MAPK10: variants seen among roughly 807,000 people sequenced by gnomAD.
MAPK10 encodes the protein JNK3 alpha protein kinase.
A neutral mutation model predicts 59.3 loss-of-function variants in MAPK10; 25 were observed. That is an observed-to-expected ratio of 0.42 (90% CI 0.31 to 0.59). The LOEUF (loss-of-function observed/expected upper bound fraction) is 0.59, where lower values mean the gene tolerates loss of function less well. Among genes scored for constraint, MAPK10 ranks in the 20% least tolerant of loss-of-function variants. The probability of loss-of-function intolerance (pLI) is 0.15; values close to 1 mark genes in which losing one functional copy is unlikely to be tolerated. For synonymous variants in MAPK10, 190 were observed against 200.5 expected, an observed-to-expected ratio of 0.95 and a Z score of 0.44; for missense variants, 351 against 568.9, an observed-to-expected ratio of 0.62 and a Z score of 3.90.
intron 2 of MAPK10, among the ~76,000 whole-genome samples, chr4:86,236,281 A>G (rs1455012156): frequency 6.6e-6 from 1 of 152,214 alleles, no homozygotes; most frequent in African/African-American, 2.4e-5. Context: ...ATCACATAAT[A>G]TAACATATTC....
intron 2 of MAPK10, among the ~76,000 whole-genome samples, chr4:86,347,686 GCTTTCTGGGT>G (rs1728985430): frequency 6.6e-6 from 1 of 152,076 alleles, no homozygotes; most frequent in African/African-American, 2.4e-5. Context: ...TTGAGGTTTC[GCTTTCTGGGT>G]CATAGACAGT....
At chr4:86,495,470 C>T (rs1023530820) in intron 1 of MAPK10, among the ~76,000 whole-genome samples, 11 of 152,160 alleles carry the variant, frequency 7.2e-5, no homozygotes, top group Non-Finnish European at 1.5e-4. Flanking sequence ...GGATGAATCT[C>T]TAAAATGCAA....
chr4:86,477,670 TCCC>T (rs1269145996), intron 1 of MAPK10, among the ~76,000 whole-genome samples: 1 of 152,054 alleles, frequency 6.6e-6, no homozygotes, highest in African/African-American at 2.4e-5. Context: ...TCCTTACAGT[TCCC>T]CCATTTTACC....
chr4:86,516,298 T>C (rs1756655748), intron 1 of MAPK10, among the ~76,000 whole-genome samples: 1 of 152,228 alleles, frequency 6.6e-6, no homozygotes, highest in Non-Finnish European at 1.5e-5. Flanking sequence ...TGTAGCATAG[T>C]TTGAAGTCGG....
At position 86,359,657 on chromosome 4, in the gene MAPK10, C is replaced by A; in HGVS notation, c.-122+1G>T. On this transcript the variant is annotated splice_donor_variant, in intron 1 of 13. Coordinates refer to ENST00000641462, the MANE Select transcript of MAPK10 (RefSeq NM_138982.4). LOFTEE classifies it low-confidence loss of function (5UTR_SPLICE). ...CCCAGAACGAGCAAAGAGCCACCTA[C>A]CATTCCGTGCCTGAGAACTACGATC... 1.0e-6 allele frequency: 1 copy of A among 985,682 alleles called. No homozygotes were observed. Among genetic ancestry groups the A allele is most frequent in the Non-Finnish European group, 1.2e-6 (1 of 829,762 alleles). 61.1% of individuals were successfully genotyped at this position (985,682 alleles called of 1,614,324 possible). A position where few individuals can be genotyped will look rare whatever the true frequency, so the allele number is the denominator to read the frequency against.
chr4:86,422,035 TA>T (rs1195746378), intron 1 of MAPK10, among the ~76,000 whole-genome samples: 1 of 152,194 alleles, frequency 6.6e-6, no homozygotes, highest in African/African-American at 2.4e-5. Flanking sequence ...CATTTCTGCC[TA>T]AAGTGGCCCT....
At chr4:86,444,596 G>A (rs948186911) in intron 1 of MAPK10, among the ~76,000 whole-genome samples, 6 of 151,928 alleles carry the variant, frequency 3.9e-5, no homozygotes, top group Non-Finnish European at 8.8e-5. Context: ...AAGAGCTTCT[G>A]CACAGCAAAA....
chr4:86,307,236 C>A (rs990971897), intron 2 of MAPK10, among the ~76,000 whole-genome samples: 1 of 152,076 alleles, frequency 6.6e-6, no homozygotes, highest in Non-Finnish European at 1.5e-5. Context: ...AGAAGGACTC[C>A]ATGGGCTCAC....
At chr4:86,547,381 C>T (rs897134105) in intron 1 of MAPK10, among the ~76,000 whole-genome samples, 7 of 152,238 alleles carry the variant, frequency 4.6e-5, no homozygotes, top group Non-Finnish European at 8.8e-5. Context: ...CTCTGCGGAC[C>T]CGCACTCCCA....
chr4:86,211,534 A>T (rs2085808714), intron 2 of MAPK10, among the ~76,000 whole-genome samples: 1 of 152,174 alleles, frequency 6.6e-6, no homozygotes, highest in African/African-American at 2.4e-5. Flanking sequence ...ATAAAAGCTG[A>T]AAGAATTCAC....
At chr4:86,454,813 C>G (rs12512524), upstream of MAPK10, among the ~76,000 whole-genome samples, 1,431 of 152,146 alleles carry the variant, frequency 9.4e-3, 6 homozygotes, top group Non-Finnish European at 0.014. Flanking sequence ...AGGTTATCAC[C>G]TAGGCACATT....
chr4:86,280,198 A>C (rs571555013), intron 2 of MAPK10, among the ~76,000 whole-genome samples: 9 of 152,148 alleles, frequency 5.9e-5, no homozygotes, highest in Non-Finnish European at 1.3e-4. Flanking sequence ...GAAAATTCAC[A>C]GACTATGCAT....
At chr4:86,173,591 C>T (rs2074933301) in intron 3 of MAPK10, among the ~76,000 whole-genome samples, 1 of 152,114 alleles carries the variant, frequency 6.6e-6, no homozygotes. Context: ...ATGATGAAAT[C>T]ACCAAAAGCA....
chr4:86,529,175 C>G (rs542075666), intron 1 of MAPK10, among the ~76,000 whole-genome samples: 1 of 152,150 alleles, frequency 6.6e-6, no homozygotes, highest in South Asian at 2.1e-4. Flanking sequence ...TCTCCGGGCT[C>G]GATGAGGACC....
chr4:86,375,608 G>T (rs541539628), intron 1 of MAPK10, among the ~76,000 whole-genome samples: 1 of 148,478 alleles, frequency 6.7e-6, no homozygotes, highest in South Asian at 2.2e-4. Context: ...CCAGCTACTT[G>T]GAAGGTAGGG....
Position 86,549,555 on chromosome 4 carries a change from T to G in MAPK10, c.-263+44355A>C, listed in dbSNP as rs1339177571. Among the ~76,000 whole-genome samples the G allele has an allele frequency of 2.6e-5, 4 of 152,354 alleles. No individual in the cohort carries two copies. In the East Asian group the frequency reaches 7.7e-4, roughly 29 times the overall value. Reference sequence around the variant, plus strand: ...GAGCTTACAGGACTGGAAGTTGCTCTGAGTGAGTCAGTGAGTGAGTGGTGA... The same window carrying G: ...GAGCTTACAGGACTGGAAGTTGCTCGGAGTGAGTCAGTGAGTGAGTGGTGA... On this transcript the variant is annotated intron_variant, in intron 1 of 4. Coordinates refer to the MAPK10 transcript ENST00000502302.
intron 2 of MAPK10, among the ~76,000 whole-genome samples, chr4:86,201,320 T>A (rs1007432428): frequency 2.0e-5 from 3 of 151,928 alleles, no homozygotes; most frequent in African/African-American, 4.8e-5. Flanking sequence ...TTCAATCTCC[T>A]GCAGCAATGT....
At chr4:86,088,068 T>G (rs2052303395) in intron 9 of MAPK10, among the ~76,000 whole-genome samples, 1 of 152,178 alleles carries the variant, frequency 6.6e-6, no homozygotes, top group African/African-American at 2.4e-5. Flanking sequence ...CATAAGTGAC[T>G]AAGTGTAGAG....
chr4:86,187,704 T>G (rs1471345381), intron 3 of MAPK10, among the ~76,000 whole-genome samples: 1 of 152,142 alleles, frequency 6.6e-6, no homozygotes, highest in Non-Finnish European at 1.5e-5. Flanking sequence ...AAAAATTACC[T>G]TTATTCCCAT....
Sources: allele counts gnomAD v4.1 joint callset (sites outside exome capture counted in the v4.1 genomes callset), GRCh38; gene constraint gnomAD v4.1.1; transcripts MANE v1.5; gene names NCBI Gene and HGNC (gene_info 2026-07-23, HGNC 2026-07-21).